MLXIPL: variants seen among roughly 807,000 people sequenced by gnomAD.
MLXIPL encodes the protein MLX interacting protein like, also known as carbohydrate-responsive element-binding protein.
In MLXIPL, 49 loss-of-function variants were observed where a neutral mutation model predicts 81.5. The ratio of observed to expected loss-of-function variants is 0.60; its 90% CI spans 0.48 to 0.76. The LOEUF (loss-of-function observed/expected upper bound fraction) is 0.76, where lower values mean the gene tolerates loss of function less well. Among genes scored for constraint, MLXIPL ranks in the 30% least tolerant of loss-of-function variants. The pLI is 0.00. For missense variants in MLXIPL, 1,053 were observed against 1,167.0 expected (o/e 0.90, Z 1.42); for synonymous variants, 466 against 485.5 (o/e 0.96, Z 0.53).
At chr7:73,617,146 G>T (rs1430053943) in intron 1 of MLXIPL, among the ~76,000 whole-genome samples, 5 of 152,104 alleles carry the variant, frequency 3.3e-5, no homozygotes, top group African/African-American at 1.2e-4. Context: ...CTCCCGAGTA[G>T]CTGGGATTAC....
chr7:73,634,805 T>TTTATTA, the MLXIPL span, among the ~76,000 whole-genome samples: 600 of 147,018 alleles, frequency 4.1e-3, 4 homozygotes, highest in Non-Finnish European at 4.5e-3. Context: ...TCTATATGTA[T>TTTATTA]TTATTATTAT....
At chr7:73,594,223 T>C (rs1794080915) in intron 16 of MLXIPL, 51 bp downstream of exon 16, 1 of 1,607,452 alleles carries the variant, frequency 6.2e-7, no homozygotes, top group Non-Finnish European at 8.5e-7. Flanking sequence ...GAATGCTCCC[T>C]CCACCCCCGA....
In MLXIPL at chr7:73,594,336, G is replaced by A. The variant is rs782253664; in HGVS notation, c.2378C>T (p.Thr793Ile). The change falls in exon 16 of 17, where the codon ACC (threonine) becomes ATC (isoleucine). Residue 793 changes from threonine to isoleucine, a missense_variant. This residue lies in a region of MLXIPL where 823 missense variants were observed against 933.0 expected (regional missense o/e 0.88). Transcript: ENST00000313375. ...CCAGGCCAGTGAGGTCTGGCGGAGG[G>A]TGTGCACACTTGCCGTGGACACCAT... ...NGMVSTASVH[T>I]LRQTSLAWLD... is the part of the protein sequence containing the mutation. The A allele has an allele frequency of 6.2e-7, 1 of 1,611,006 alleles. No homozygotes were observed.
the MLXIPL span, among the ~76,000 whole-genome samples, chr7:73,633,175 G>C: frequency 2.0e-5 from 3 of 150,576 alleles, no homozygotes; most frequent in African/African-American, 7.3e-5. Context: ...TCACCTCCCA[G>C]GTTCATGCCA....
chr7:73,647,567 T>C, the MLXIPL span, among the ~76,000 whole-genome samples: 1 of 152,188 alleles, frequency 6.6e-6, no homozygotes, highest in Non-Finnish European at 1.5e-5. Flanking sequence ...GAGTCCTCCC[T>C]GGGGTACGAG....
At position 73,599,746 on chromosome 7, in the gene MLXIPL, G is replaced by A. The variant is rs184102703; in HGVS notation, c.902-51C>T. 1.2e-3 allele frequency: 1,933 copies of A among 1,552,700 alleles called. 18 individuals are homozygous for A. Among genetic ancestry groups the A allele is most frequent in the South Asian group, 8.8e-3 (729 of 82,820 alleles). The stretch of plus-strand genomic sequence containing the variant: ...AGCAGTTAGGGCCAGGGCTATGGCT[G>A]GGAAACAGCTGAGAGGAGAGTGGCC... On this transcript the variant is annotated intron_variant, in intron 7 of 16. Transcript: ENST00000313375.
chr7:73,624,653 G>C, upstream of MLXIPL: 2 of 1,309,334 alleles, frequency 1.5e-6, no homozygotes. Flanking sequence ...TAATCCTTAC[G>C]CCAGGTGAGA....
chr7:73,595,913 C>T lies in MLXIPL; in HGVS notation c.2115G>A (p.Gln705=). ...KTAEYILMLQ[Q]ERAGLQEEAQ... is the part of the protein sequence containing the mutation. ...CCTCCTCCTGCAAGCCCGCACGCTC[C>T]TGCTGTAGCATAAGGATGTACTCAG... Residue 705 remains glutamine, a synonymous_variant, in exon 14 of 17, where the codon CAG becomes CAA. Transcript: ENST00000313375. The T allele has an allele frequency of 6.2e-7, 1 of 1,613,406 alleles. No homozygotes were observed. Among genetic ancestry groups the T allele is most frequent in the Non-Finnish European group, 8.5e-7 (1 of 1,179,984 alleles).
the MLXIPL span, among the ~76,000 whole-genome samples, chr7:73,636,191 C>A: frequency 6.6e-6 from 1 of 152,130 alleles, no homozygotes; most frequent in African/African-American, 2.4e-5. Flanking sequence ...GGGAGGATCA[C>A]TTGAGGCCGG....
rs1554598426 is a variant in MLXIPL at position 73,607,120 on chromosome 7, C to T, written c.574-102G>A. On this transcript the variant is annotated intron_variant, in intron 4 of 16. Transcript: ENST00000313375. Reference sequence around the variant, plus strand: ...TCACAAGCGATGAGATCCCCCATTTCCCATCAGGAGCTCACCCGACCCCTA... The same window carrying T: ...TCACAAGCGATGAGATCCCCCATTTTCCATCAGGAGCTCACCCGACCCCTA... 4.7e-6 allele frequency: 7 copies of T among 1,477,514 alleles called. No homozygotes were observed. The Admixed American group carries it at 1.4e-4, about 29-fold the overall frequency. The allele number at this position is 1,477,514 out of a possible 1,614,324, so 91.5% of individuals were successfully genotyped here.
chr7:73,606,416 C>A (rs1473402006), intron 5 of MLXIPL: 1 of 446,394 alleles, frequency 2.2e-6, no homozygotes, highest in Non-Finnish European at 4.0e-6. Context: ...TGTTTGTTTT[C>A]TTTTTCTTTT....
intron 1 of MLXIPL, among the ~76,000 whole-genome samples, chr7:73,621,826 CGT>C (rs1436570788): frequency 7.2e-4 from 68 of 94,538 alleles, no homozygotes; most frequent in Middle Eastern, 6.7e-3. Context: ...CATCTCCCTC[CGT>C]CTCCCTCCCT....
At chr7:73,615,612 C>T (rs776911677) in intron 2 of MLXIPL, among the ~76,000 whole-genome samples, 1 of 151,936 alleles carries the variant, frequency 6.6e-6, no homozygotes, top group Non-Finnish European at 1.5e-5. Flanking sequence ...GGGGCCTGGT[C>T]TCCCCCTAAA....
chr7:73,640,217 C>A, the MLXIPL span, among the ~76,000 whole-genome samples: 1 of 150,694 alleles, frequency 6.6e-6, no homozygotes, highest in Admixed American at 6.6e-5. Flanking sequence ...CCAGCCTGGG[C>A]AACATGGCGA....
At chr7:73,632,485 C>A in the MLXIPL span, among the ~76,000 whole-genome samples, 6 of 152,136 alleles carry the variant, frequency 3.9e-5, no homozygotes, top group African/African-American at 1.4e-4. Flanking sequence ...CATCCTGATT[C>A]GCCCTTACAA....
chr7:73,615,652 C>T (rs928725793), intron 2 of MLXIPL, among the ~76,000 whole-genome samples: 9 of 152,054 alleles, frequency 5.9e-5, no homozygotes, highest in Non-Finnish European at 1.2e-4. Flanking sequence ...TGGTGGCTCA[C>T]GCCTGTAATC....
chr7:73,639,658 G>T, the MLXIPL span, among the ~76,000 whole-genome samples: 1 of 152,026 alleles, frequency 6.6e-6, no homozygotes, highest in Admixed American at 6.6e-5. Flanking sequence ...TTATGAGGAT[G>T]AAGTGAATTA....
At chr7:73,605,476 A>G (rs1459539161) in intron 7 of MLXIPL, among the ~76,000 whole-genome samples, 1 of 152,160 alleles carries the variant, frequency 6.6e-6, no homozygotes, top group Admixed American at 6.5e-5. Flanking sequence ...CGGGAGGATC[A>G]CTTGAGTCTG....
chr7:73,611,690 C>T (rs546873569), intron 2 of MLXIPL, among the ~76,000 whole-genome samples: 1 of 152,052 alleles, frequency 6.6e-6, no homozygotes, highest in Non-Finnish European at 1.5e-5. Flanking sequence ...GTGGCGCATG[C>T]CTGTAATCCC....
Sources: allele counts gnomAD v4.1 joint callset (sites outside exome capture counted in the v4.1 genomes callset), GRCh38; gene constraint gnomAD v4.1.1; regional missense constraint gnomAD v4.1.1; transcripts MANE v1.5; gene names NCBI Gene and HGNC (gene_info 2026-07-23, HGNC 2026-07-21).